Variants in LAMB1 observed in about 807,000 individuals in gnomAD.
LAMB1 encodes the protein laminin subunit beta-1.
Under a neutral mutation model 222.3 loss-of-function variants are expected in LAMB1, and 121 were observed. The ratio of observed to expected loss-of-function variants is 0.54; its 90% CI spans 0.47 to 0.63. LAMB1 has a LOEUF of 0.63. Among genes scored for constraint, LAMB1 ranks in the 30% least tolerant of loss-of-function variants. The probability of loss-of-function intolerance (pLI) is 0.00; values close to 1 mark genes in which losing one functional copy is unlikely to be tolerated. For missense variants in LAMB1, 2,172 were observed against 2,240.8 expected, an observed-to-expected ratio of 0.97 and a Z score of 0.62; for synonymous variants, 794 against 807.2, an observed-to-expected ratio of 0.98 and a Z score of 0.28.
intron 24 of LAMB1, among the ~76,000 whole-genome samples, chr7:107,950,915 G>T (rs1372205326): frequency 7.5e-6 from 1 of 133,704 alleles, no homozygotes; most frequent in Non-Finnish European, 1.6e-5. Flanking sequence ...AGCTCTGTGT[G>T]TATTTGTGGT....
intron 13 of LAMB1, among the ~76,000 whole-genome samples, chr7:107,969,334 A>G (rs1041674208): frequency 1.3e-5 from 2 of 152,244 alleles, no homozygotes; most frequent in African/African-American, 2.4e-5. Flanking sequence ...GCAACATTTA[A>G]AAATTCCATT....
intron 25 of LAMB1, 30 bp from the exon 26 acceptor site, chr7:107,937,307 T>C (rs374245689): frequency 1.9e-6 from 3 of 1,576,512 alleles, no homozygotes; most frequent in Non-Finnish European, 2.6e-6. Flanking sequence ...CTTACTTACA[T>C]AAAATAAACC....
chr7:107,938,404 T>C (rs1359380077), intron 25 of LAMB1, among the ~76,000 whole-genome samples: 1 of 140,870 alleles, frequency 7.1e-6, no homozygotes, highest in African/African-American at 2.5e-5. Context: ...TCAGGTCTCA[T>C]AAAATGATAC....
intron 13 of LAMB1, among the ~76,000 whole-genome samples, chr7:107,969,374 G>A (rs904552982): frequency 4.6e-5 from 7 of 151,554 alleles, no homozygotes; most frequent in African/African-American, 1.5e-4. Flanking sequence ...TAAAGAAAAT[G>A]GAATTTTAAC....
intron 9 of LAMB1, among the ~76,000 whole-genome samples, chr7:107,977,728 G>A (rs763060967): frequency 5.3e-5 from 8 of 152,092 alleles, no homozygotes; most frequent in Non-Finnish European, 1.2e-4. Context: ...GCAGTGAGCC[G>A]CCTGTGCCAC....
At chr7:107,943,433 C>T (rs950153832) in intron 24 of LAMB1, among the ~76,000 whole-genome samples, 8 of 152,108 alleles carry the variant, frequency 5.3e-5, no homozygotes, top group Non-Finnish European at 1.0e-4. Context: ...TTACAAATAA[C>T]TTAAATAACT....
rs186788396 is a variant in LAMB1 at position 107,942,951 on chromosome 7, G to C, written c.3392-2593C>G. 2.0e-3 allele frequency among the ~76,000 whole-genome samples: 300 copies of C among 152,212 alleles called. 1 individual carries two copies. The highest frequency in any genetic ancestry group is 1.4e-3 in the Non-Finnish European group (95 of 68,006). ...AAACATGTAATTTCCTTAGCGCCTG[G>C]GGTTTTCAAAACCAAGACCTTAGGA... On this transcript the variant is annotated intron_variant, in intron 24 of 33. Transcript: ENST00000222399.
chr7:107,965,701 A>T (rs1584513509), intron 13 of LAMB1, among the ~76,000 whole-genome samples: 1 of 152,184 alleles, frequency 6.6e-6, no homozygotes, highest in East Asian at 1.9e-4. Flanking sequence ...CTTTCAACTC[A>T]TTCTCAAGGT....
chr7:107,961,255 T>A lies in LAMB1; in HGVS notation c.2060A>T (p.Tyr687Phe). The A allele has an allele frequency of 1.2e-6, 2 of 1,613,934 alleles. No homozygotes were observed. Among genetic ancestry groups the A allele is most frequent in the South Asian group, 1.1e-5 (1 of 91,078 alleles). The change falls in exon 17 of 34, where the codon TAC (tyrosine) becomes TTC (phenylalanine). Residue 687 changes from tyrosine (Y) to phenylalanine (F), a missense_variant. Physicochemically the swap from Tyr to Phe is conservative, Grantham distance 22 (BLOSUM62 3). Transcript: ENST00000222399. The stretch of plus-strand genomic sequence containing the variant: ...CTCCACGTCGCTATCAGAGGAGGTG[T>A]ACTGAGGCAGCTCCAACCTCACCGT... ...NYTVRLELPQ[Y>F]TSSDSDVESP...
intron 20 of LAMB1, among the ~76,000 whole-genome samples, chr7:107,956,286 CTT>C (rs1438397868): frequency 6.6e-6 from 1 of 152,214 alleles, no homozygotes; most frequent in Admixed American, 6.5e-5. Flanking sequence ...GCCCACCTCT[CTT>C]TATGTTTTCA....
intron 3 of LAMB1, 47 bp downstream of exon 3, chr7:108,001,511 C>T (rs1047035332): frequency 2.6e-6 from 4 of 1,524,684 alleles, no homozygotes; most frequent in East Asian, 4.7e-5. Flanking sequence ...TAGGTCTGGA[C>T]GGGAGGAGGC....
chr7:107,953,262 C>A (rs2033298472), intron 22 of LAMB1, among the ~76,000 whole-genome samples: 1 of 151,606 alleles, frequency 6.6e-6, no homozygotes, highest in African/African-American at 2.4e-5. Context: ...GAGGCTGAGG[C>A]ATGAGAATCA....
chr7:107,987,897 T>C (rs1393058656), intron 5 of LAMB1, among the ~76,000 whole-genome samples: 1 of 152,154 alleles, frequency 6.6e-6, no homozygotes, highest in African/African-American at 2.4e-5. Context: ...AGGTAAGAAG[T>C]TGCCATGCTA....
intron 5 of LAMB1, 52 bp downstream of exon 5, chr7:107,994,835 C>G: frequency 2.1e-6 from 2 of 967,244 alleles, no homozygotes; most frequent in South Asian, 2.8e-5. Context: ...TGAAAGGGGA[C>G]ATTACACAGT....
intron 21 of LAMB1, 136 bp from the exon 22 acceptor site, chr7:107,953,890 T>G (rs1584502497): frequency 1.4e-6 from 1 of 693,806 alleles, no homozygotes; most frequent in Middle Eastern, 3.0e-4. Context: ...GAGCCCAGGG[T>G]GATCACATCT....
intron 28 of LAMB1, chr7:107,931,855 GT>G: frequency 2.0e-6 from 1 of 496,572 alleles, no homozygotes; most frequent in Non-Finnish European, 3.6e-6. Context: ...TTAGTATAGA[GT>G]TTTTGTCATA....
intron 5 of LAMB1, 46 bp from the exon 6 acceptor site, chr7:107,986,409 T>C (rs1335884343): frequency 2.0e-6 from 3 of 1,508,576 alleles, no homozygotes; most frequent in Non-Finnish European, 2.7e-6. Flanking sequence ...TTATTGGTAG[T>C]CTCTACTTTT....
rs577630836 is a variant in LAMB1 at position 107,965,925 on chromosome 7, C to T, written c.1563-1238G>A. On this transcript the variant is annotated intron_variant, in intron 13 of 33. Coordinates refer to ENST00000222399, the MANE Select transcript of LAMB1 (RefSeq NM_002291.3). ...CAGCCTGGCCAACATGGTGAAACCC[C>T]GTCTCTACTGAAAATACAAAAAATT... 3.5e-4 allele frequency among the ~76,000 whole-genome samples: 53 copies of T among 151,930 alleles called. 1 individual carries two copies. The highest frequency in any genetic ancestry group is 2.3e-3 in the South Asian group (11 of 4,800).
Position 107,961,572 on chromosome 7 carries a change from C to T in LAMB1, c.1962G>A (p.Val654=). The change falls in exon 16 of 34, where the codon GTG becomes GTA. Residue 654 remains valine, a synonymous_variant. Transcript: ENST00000222399. The stretch of plus-strand genomic sequence containing the variant: ...ACCTTGAGCCTGGTGATAATGACAC[C>T]ACCTGGTTGTCATCATCGGGGATGG... The part of the protein sequence containing the change: ...GNTIPDDDNQ[V]VSLSPGSRYV... 6.2e-7 allele frequency: 1 copy of T among 1,613,932 alleles called. No individual in the cohort carries two copies. The highest frequency in any genetic ancestry group is 1.3e-5 in the African/African-American group (1 of 75,022).
Sources: gnomAD v4.1 joint callset for allele counts (sites outside exome capture counted in the v4.1 genomes callset) on GRCh38, gnomAD v4.1.1 for gene constraint, MANE v1.5 for transcripts, NCBI Gene and HGNC (gene_info 2026-07-23, HGNC 2026-07-21) for gene names.